The following NEK6 variants were observed in gnomAD, a reference collection of about 807,000 sequenced individuals.
The protein encoded by NEK6 is NIMA related kinase 6, also known as serine/threonine-protein kinase Nek6.
In NEK6, 27 loss-of-function variants were observed where a neutral mutation model predicts 43.5. That is an observed-to-expected ratio of 0.62 (90% CI 0.46 to 0.86). NEK6 has a LOEUF of 0.86. Among genes scored for constraint, NEK6 ranks in the 40% least tolerant of loss-of-function variants. The pLI is 0.00. For missense variants in NEK6, 318 were observed against 414.4 expected (o/e 0.77, Z 2.02); for synonymous variants, 167 against 164.1 (o/e 1.02, Z -0.14).
Position 124,347,785 on chromosome 9 carries a change from A to C in NEK6, c.794A>C (p.Asp265Ala). 1 of 1,612,942 alleles carries C rather than the reference A, an allele frequency of 6.2e-7. No homozygotes were observed. Among genetic ancestry groups the C allele is most frequent in the Non-Finnish European group, 8.5e-7 (1 of 1,179,324 alleles). ...CTGTGCCAGAAGATCGAGCAGTGTG[A>C]CTACCCCCCACTCCCCGGGGAGCAC... ...FSLCQKIEQC[D>A]YPPLPGEHYS... Residue 265 changes from aspartate to alanine, a missense_variant, in exon 9 of 10, where the codon GAC becomes GCC. Physicochemically the swap from Asp to Ala is moderately radical, Grantham distance 126 (BLOSUM62 -2). This residue lies in a region of NEK6 where 79 missense variants were observed against 70.0 expected (regional missense o/e 1.13). Transcript: ENST00000320246.
Position 124,350,900 on chromosome 9 carries a change from G to A in NEK6, c.895G>A (p.Val299Met), listed in dbSNP as rs200235098. The A allele has an allele frequency of 1.6e-4, 261 of 1,611,638 alleles. No homozygotes were observed. The highest frequency in any genetic ancestry group is 2.1e-4 in the Non-Finnish European group (242 of 1,179,952). The change falls in exon 10 of 10, where the codon GTG (valine) becomes ATG (methionine). Residue 299 changes from valine (V) to methionine (M), a missense_variant. Around this residue, in one of 2 missense-constraint regions of NEK6, gnomAD observed 79 missense variants for 70.0 expected, o/e 1.13. Transcript: ENST00000320246. ...DPHQRPDIGY[V>M]HQVAKQMHIW... ...CCACCAGAGACCTGACATCGGATAC[G>A]TGCACCAGGTGGCCAAGCAGATGCA...
At chr9:124,327,297 G>A (rs1170347393) in intron 6 of NEK6, 41 bp from the exon 7 acceptor site, 4 of 1,544,892 alleles carry the variant, frequency 2.6e-6, no homozygotes, top group Admixed American at 3.3e-5. Flanking sequence ...CCTACCCCAA[G>A]CCTCCTACCC....
intron 1 of NEK6, among the ~76,000 whole-genome samples, chr9:124,284,147 G>A (rs762073821): frequency 9.2e-5 from 14 of 152,204 alleles, no homozygotes; most frequent in African/African-American, 7.2e-5. Flanking sequence ...TTGGGAATTC[G>A]AGACCAGCCT....
At chr9:124,257,764 G>C, upstream of NEK6, 1 of 1,501,208 alleles carries the variant, frequency 6.7e-7, no homozygotes, top group Non-Finnish European at 8.9e-7. Context: ...AATGGGGAAG[G>C]GGTTCCTCGG....
intron 5 of NEK6, among the ~76,000 whole-genome samples, chr9:124,323,361 G>A (rs1486394226): frequency 6.6e-6 from 1 of 152,214 alleles, no homozygotes; most frequent in Non-Finnish European, 1.5e-5. Context: ...AGGGCCTGTT[G>A]CTCCAGGCTC....
chr9:124,307,576 G>T (rs1463258954), intron 2 of NEK6, among the ~76,000 whole-genome samples: 1 of 152,206 alleles, frequency 6.6e-6, no homozygotes, highest in Non-Finnish European at 1.5e-5. Flanking sequence ...ACACCGCAGG[G>T]TCAGCCTCCC....
At chr9:124,321,181 A>G (rs1414534405) in intron 4 of NEK6, among the ~76,000 whole-genome samples, 1 of 152,230 alleles carries the variant, frequency 6.6e-6, no homozygotes, top group Non-Finnish European at 1.5e-5. Flanking sequence ...ACACATTTCA[A>G]GAGTATTGAC....
rs140620686 is a variant in NEK6, at chr9:124,273,249, C to G, written c.-30+15164C>G. ...CGGCCTTATTCCACATCCACCTGCT[C>G]TGTCTGCCATCATCCATGGTGGTCT... On this transcript the variant is annotated intron_variant, in intron 1 of 9. Transcript: ENST00000320246. 2.7e-4 allele frequency among the ~76,000 whole-genome samples: 41 copies of G among 152,304 alleles called. No individual in the cohort carries two copies. In the East Asian group the frequency reaches 3.3e-3, roughly 12 times the overall value.
At chr9:124,335,317 T>C (rs1829231993) in intron 7 of NEK6, among the ~76,000 whole-genome samples, 1 of 152,164 alleles carries the variant, frequency 6.6e-6, no homozygotes, top group African/African-American at 2.4e-5. Context: ...CGATTTGCTG[T>C]CCTATAAGAA....
rs1830339779 is a variant in NEK6 at position 124,353,055 on chromosome 9, C to T, written c.*2108C>T. 6.5e-6 allele frequency: 1 copy of T among 153,666 alleles called. No homozygotes were observed. Among genetic ancestry groups the T allele is most frequent in the Non-Finnish European group, 1.4e-5 (1 of 69,148 alleles). 9.5% of individuals were successfully genotyped at this position (153,666 alleles called of 1,614,324 possible). On this transcript the variant is annotated 3_prime_UTR_variant, in exon 10 of 10. Coordinates refer to ENST00000320246, the MANE Select transcript of NEK6 (RefSeq NM_014397.6). ...AACCGGCCAAAGTGAGGTCCACCCACCTTCACACAGCTCTGGCGGTGCACC... is the reference window on the plus strand; with the variant it reads ...AACCGGCCAAAGTGAGGTCCACCCATCTTCACACAGCTCTGGCGGTGCACC...
intron 1 of NEK6, among the ~76,000 whole-genome samples, chr9:124,286,654 C>T (rs981368735): frequency 6.6e-6 from 1 of 152,252 alleles, no homozygotes; most frequent in African/African-American, 2.4e-5. Context: ...TGCAGTGCTC[C>T]TGGGCTCCTG....
At chr9:124,329,099 G>A (rs1034793236) in intron 7 of NEK6, among the ~76,000 whole-genome samples, 8 of 152,228 alleles carry the variant, frequency 5.3e-5, no homozygotes, top group Admixed American at 2.0e-4. Flanking sequence ...GGCAGATACC[G>A]TTGGAGTCCC....
At position 124,351,859 on chromosome 9, in the gene NEK6, G is replaced by GCTGA. The variant is rs1440927298; in HGVS notation, c.*914_*917dup. On this transcript the variant is annotated 3_prime_UTR_variant, in exon 10 of 10. Coordinates refer to ENST00000320246, the MANE Select transcript of NEK6 (RefSeq NM_014397.6). Reference sequence around the variant, plus strand: ...GTACCTATCATCTACCTTCAGGATTGCTGACAGACAGAATTTGAAATAAAA... The same window carrying GCTGA: ...GTACCTATCATCTACCTTCAGGATTGCTGACTGACAGACAGAATTTGAAATAAAA... 2 of 152,290 alleles carry GCTGA rather than the reference G, an allele frequency of 1.3e-5. No homozygotes were observed. Among genetic ancestry groups the GCTGA allele is most frequent in the African/African-American group, 4.8e-5 (2 of 41,424 alleles). 9.4% of individuals were successfully genotyped at this position (152,290 alleles called of 1,614,324 possible). A position where few individuals can be genotyped will look rare whatever the true frequency, so the allele number is the denominator to read the frequency against.
At chr9:124,278,421 G>A (rs1831737581) in intron 1 of NEK6, among the ~76,000 whole-genome samples, 1 of 152,202 alleles carries the variant, frequency 6.6e-6, no homozygotes, top group Non-Finnish European at 1.5e-5. Flanking sequence ...AGGCATTGAG[G>A]AGGGCTGTTT....
intron 5 of NEK6, among the ~76,000 whole-genome samples, chr9:124,325,070 G>A (rs576051911): frequency 1.3e-5 from 2 of 152,276 alleles, no homozygotes; most frequent in South Asian, 2.1e-4. Context: ...AGCTACTCGG[G>A]AGACTGAGGC....
intron 4 of NEK6, among the ~76,000 whole-genome samples, chr9:124,315,457 G>A (rs768929068): frequency 1.3e-5 from 2 of 152,216 alleles, no homozygotes; most frequent in African/African-American, 2.4e-5. Flanking sequence ...CGGCCACAGT[G>A]GGTGAGGGAG....
intron 1 of NEK6, among the ~76,000 whole-genome samples, chr9:124,287,475 A>G (rs150578587): frequency 2.0e-5 from 3 of 152,280 alleles, no homozygotes; most frequent in East Asian, 1.9e-4. Flanking sequence ...CCACCTTTCA[A>G]GGTTGTCATG....
At chr9:124,312,349 C>A (rs376555431) in intron 2 of NEK6, among the ~76,000 whole-genome samples, 160 bp from the exon 3 acceptor site, 21 of 152,234 alleles carry the variant, frequency 1.4e-4, no homozygotes, top group East Asian at 7.7e-4. Context: ...GTGCAGAAAG[C>A]CCCCTGGGGG....
intron 4 of NEK6, among the ~76,000 whole-genome samples, chr9:124,320,426 C>T (rs867183276): frequency 2.0e-5 from 3 of 152,208 alleles, no homozygotes; most frequent in African/African-American, 4.8e-5. Flanking sequence ...TTAGAATCCA[C>T]GGATGGGCAC....
Sources: gnomAD v4.1 joint callset for allele counts (sites outside exome capture counted in the v4.1 genomes callset) on GRCh38, gnomAD v4.1.1 for gene constraint, gnomAD v4.1.1 regional missense constraint, MANE v1.5 for transcripts, NCBI Gene and HGNC (gene_info 2026-07-23, HGNC 2026-07-21) for gene names.